Variants in DST observed in about 807,000 individuals in gnomAD.
DST encodes dystonin, also known as bullous pemphigoid antigen.
Under a neutral mutation model 875.2 loss-of-function variants are expected in DST, and 253 were observed. The ratio of observed to expected loss-of-function variants is 0.29; its 90% CI spans 0.26 to 0.32. DST has a LOEUF of 0.32. Ranked by LOEUF, DST falls within the 10% of genes least tolerant of loss-of-function variation. The pLI is 1.00. For missense variants in DST, 8,287 were observed against 9,111.6 expected (o/e 0.91, Z 3.68); for synonymous variants, 3,124 against 3,197.1 (o/e 0.98, Z 0.77).
At chr6:56,620,239 A>G (rs1180877111) in intron 36 of DST, 1 of 1,613,906 alleles carries the variant, frequency 6.2e-7, no homozygotes, top group African/African-American at 1.3e-5. Context: ...GTTGCTCCAA[A>G]TCATTGAGAC....
chr6:56,897,439 T>C (rs1791984253), intron 3 of DST, among the ~76,000 whole-genome samples: 1 of 152,150 alleles, frequency 6.6e-6, no homozygotes, highest in Admixed American at 6.5e-5. Flanking sequence ...CAAGCGATTA[T>C]CCTGCTTCCA....
At chr6:56,539,141 ATGTTCTATTAAAT>A (rs1413759520) in intron 61 of DST, among the ~76,000 whole-genome samples, 1 of 152,140 alleles carries the variant, frequency 6.6e-6, no homozygotes, top group Non-Finnish European at 1.5e-5. Context: ...GATAACAATA[ATGTTCTATTAAAT>A]TGCCTTAACC....
intron 89 of DST, 183 bp from the exon 90 acceptor site, chr6:56,482,361 T>C (rs2095430463): frequency 1.4e-6 from 1 of 730,080 alleles, no homozygotes; most frequent in African/African-American, 1.8e-5. Flanking sequence ...ACACTTAATA[T>C]ATTAAAAAAA....
Position 56,851,516 on chromosome 6 carries a change from G to C in DST, c.506C>G (p.Ala169Gly), listed in dbSNP as rs1426119405. 2 of 1,614,040 alleles carry C rather than the reference G, an allele frequency of 1.2e-6. No individual in the cohort carries two copies. Among genetic ancestry groups the C allele is most frequent in the Non-Finnish European group, 1.7e-6 (2 of 1,179,900 alleles). Reference sequence around the variant, plus strand: ...TAAGGTGTCTCCCGGAGCTGGGGATGCGGAGCCAGATTTCTGGCTGAAATC... The same window carrying C: ...TAAGGTGTCTCCCGGAGCTGGGGATCCGGAGCCAGATTTCTGGCTGAAATC... ...EDDFSQKSGS[A>G]SPAPGDTLPW... The change falls in exon 4 of 104, where the codon GCA (alanine) becomes GGA (glycine). Residue 169 changes from alanine to glycine, a missense_variant. Around this residue, in one of 10 missense-constraint regions of DST, gnomAD observed 1,160 missense variants for 1,424.3 expected, o/e 0.81. Transcript: ENST00000680361.
intron 4 of DST, among the ~76,000 whole-genome samples, chr6:56,776,074 T>C (rs573678777): frequency 1.3e-5 from 2 of 152,336 alleles, no homozygotes; most frequent in African/African-American, 4.8e-5. Flanking sequence ...TGACAAGTCA[T>C]GTGGGTAGCA....
rs974912935 is a variant in DST, at chr6:56,485,238, T to C, written c.21207+74A>G. ...TAGTCTTCTGATTTTAAAAGGCTAATTTAAATGGTTTACATTTCCTGTACA... is the reference window on the plus strand; with the variant it reads ...TAGTCTTCTGATTTTAAAAGGCTAACTTAAATGGTTTACATTTCCTGTACA... On this transcript the variant is annotated intron_variant, in intron 88 of 103. Coordinates refer to ENST00000680361, the MANE Select transcript of DST (RefSeq NM_001374736.1). The C allele has an allele frequency of 1.9e-6, 3 of 1,539,904 alleles. No individual in the cohort carries two copies. The African/African-American group carries it at 4.1e-5, about 21-fold the overall frequency.
Position 56,597,851 on chromosome 6 carries a change from C to T in DST, c.12084G>A (p.Lys4028=). 1 of 1,613,952 alleles carries T rather than the reference C, an allele frequency of 6.2e-7. No homozygotes were observed. The highest frequency in any genetic ancestry group is 1.1e-5 in the South Asian group (1 of 91,074). Residue 4028 remains lysine (K), a synonymous_variant, in exon 47 of 104, where the codon AAG becomes AAA. Coordinates refer to ENST00000680361, the MANE Select transcript of DST (RefSeq NM_001374736.1). ...NGTHFQEGDG[K]SAIGEEDEVN... Reference sequence around the variant, plus strand: ...CTTCATCCTCTTCTCCAATTGCTGACTTGCCATCACCTTCTTGAAAATGGG... The same window carrying T: ...CTTCATCCTCTTCTCCAATTGCTGATTTGCCATCACCTTCTTGAAAATGGG...
intron 69 of DST, among the ~76,000 whole-genome samples, chr6:56,519,741 T>C (rs1322441786): frequency 1.3e-5 from 2 of 151,588 alleles, no homozygotes; most frequent in Admixed American, 6.6e-5. Flanking sequence ...CCTGGACTTC[T>C]ATCTTCACCT....
chr6:56,931,456 C>T (rs181747645), intron 2 of DST, among the ~76,000 whole-genome samples: 27 of 152,344 alleles, frequency 1.8e-4, no homozygotes, highest in African/African-American at 5.3e-4. Context: ...CACATAGAGT[C>T]CCTACTGGGG....
At chr6:56,774,217 G>A (rs965700964) in intron 4 of DST, among the ~76,000 whole-genome samples, 1 of 151,530 alleles carries the variant, frequency 6.6e-6, no homozygotes, top group Non-Finnish European at 1.5e-5. Flanking sequence ...TGAGAAAGCT[G>A]ACATTCACAT....
chr6:56,550,593 A>T (rs1053050971), intron 61 of DST, among the ~76,000 whole-genome samples: 1 of 152,220 alleles, frequency 6.6e-6, no homozygotes. Flanking sequence ...CAAAGGGGAG[A>T]CACCCGCAAA....
At chr6:56,877,122 C>T (rs146342007) in intron 3 of DST, among the ~76,000 whole-genome samples, 27 of 152,336 alleles carry the variant, frequency 1.8e-4, no homozygotes, top group Admixed American at 4.6e-4. Flanking sequence ...AGATACCTGG[C>T]TCTGATCAAA....
chr6:56,641,870 C>T (rs2098908409), intron 17 of DST, 77 bp downstream of exon 17: 1 of 1,124,780 alleles, frequency 8.9e-7, no homozygotes, highest in Non-Finnish European at 1.2e-6. Flanking sequence ...AATTTTCATA[C>T]TCTACATTCC....
intron 8 of DST, among the ~76,000 whole-genome samples, chr6:56,700,981 C>CT (rs373838192): frequency 0.1 from 13,003 of 128,398 alleles, 2,158 homozygotes; most frequent in African/African-American, 0.34. Flanking sequence ...TTTCTCTTGC[C>CT]TTTTTTTTTT....
rs1400546874 is a variant in DST at position 56,646,067 on chromosome 6, C to T, written c.1650+20G>A. The T allele has an allele frequency of 9.6e-6, 15 of 1,566,610 alleles. No individual in the cohort carries two copies. The highest frequency in any genetic ancestry group is 1.1e-5 in the Non-Finnish European group (13 of 1,156,150). ...AAAACAAAGACTATGCTTGACAATA[C>T]AAAGCAAATTTGAGCTTACCTCTAA... On this transcript the variant is annotated intron_variant, in intron 14 of 103. Coordinates refer to ENST00000680361, the MANE Select transcript of DST (RefSeq NM_001374736.1).
At chr6:56,598,403 A>G (rs2098412508) in intron 46 of DST, 73 bp downstream of exon 46, 3 of 877,864 alleles carry the variant, frequency 3.4e-6, no homozygotes, top group Middle Eastern at 4.8e-4. Context: ...CTACCACTGG[A>G]TATTAATAAT....
intron 78 of DST, among the ~76,000 whole-genome samples, chr6:56,502,990 C>T (rs1430255843): frequency 6.6e-6 from 1 of 152,052 alleles, no homozygotes; most frequent in Non-Finnish European, 1.5e-5. Context: ...ACAGTTCAGC[C>T]ACTTTCACAT....
chr6:56,760,054 G>A (rs1455522104), intron 4 of DST, among the ~76,000 whole-genome samples: 2 of 152,084 alleles, frequency 1.3e-5, no homozygotes, highest in South Asian at 4.2e-4. Flanking sequence ...AGGATATTTT[G>A]GTTCTTCCAT....
chr6:56,836,861 A>G (rs796497169), intron 4 of DST, among the ~76,000 whole-genome samples: 1 of 146,510 alleles, frequency 6.8e-6, no homozygotes, highest in Non-Finnish European at 1.5e-5. Flanking sequence ...AAAAAAAAAA[A>G]AAGAAAGAAA....
Sources: allele counts gnomAD v4.1 joint callset (sites outside exome capture counted in the v4.1 genomes callset), GRCh38; gene constraint gnomAD v4.1.1; regional missense constraint gnomAD v4.1.1; transcripts MANE v1.5; gene names NCBI Gene and HGNC (gene_info 2026-07-23, HGNC 2026-07-21).